The following JMJD1C variants were observed in gnomAD, a reference collection of about 807,000 sequenced individuals.
JMJD1C encodes the protein jumonji domain containing 1C.
A neutral mutation model predicts 245.3 loss-of-function variants in JMJD1C; 31 were observed. The observed-to-expected ratio is 0.13, with a 90% confidence interval of 0.09 to 0.17. JMJD1C has a LOEUF of 0.17. Ranked by LOEUF, JMJD1C falls within the 10% of genes least tolerant of loss-of-function variation. The pLI, the probability that JMJD1C is intolerant of heterozygous loss-of-function variation, is 1.00. For missense variants in JMJD1C, 2,691 were observed against 3,000.2 expected, an observed-to-expected ratio of 0.90 and a Z score of 2.41; for synonymous variants, 1,057 against 1,017.4, an observed-to-expected ratio of 1.04 and a Z score of -0.74.
chr10:63,517,952 C>T (rs1955074572), intron 1 of JMJD1C, among the ~76,000 whole-genome samples: 1 of 152,070 alleles, frequency 6.6e-6, no homozygotes, highest in Non-Finnish European at 1.5e-5. Flanking sequence ...ACCATCATGC[C>T]CAGCTAATTT....
chr10:63,238,011 A>AG (rs1850964855), intron 3 of JMJD1C, among the ~76,000 whole-genome samples: 1 of 141,798 alleles, frequency 7.1e-6, no homozygotes, highest in Admixed American at 7.0e-5. Context: ...TCTACTAAAA[A>AG]AAAAAAAAAA....
At chr10:63,307,623 A>G (rs1344218936) in intron 2 of JMJD1C, among the ~76,000 whole-genome samples, 2 of 152,140 alleles carry the variant, frequency 1.3e-5, no homozygotes, top group African/African-American at 4.8e-5. Context: ...AAATGGTACC[A>G]CCAGGTAAGA....
At chr10:63,234,510 A>AC in intron 3 of JMJD1C, among the ~76,000 whole-genome samples, 1 of 149,922 alleles carries the variant, frequency 6.7e-6, no homozygotes, top group East Asian at 1.9e-4. Context: ...AAAAAAAAAA[A>AC]AAAAAAAAAA....
chr10:63,243,357 T>C (rs1006217563), intron 3 of JMJD1C, among the ~76,000 whole-genome samples: 1 of 151,634 alleles, frequency 6.6e-6, no homozygotes, highest in Non-Finnish European at 1.5e-5. Context: ...AGAAGCCCCA[T>C]CTCTACCAAA....
intron 1 of JMJD1C, among the ~76,000 whole-genome samples, chr10:63,385,530 T>C (rs2134545245): frequency 6.9e-6 from 1 of 145,106 alleles, no homozygotes; most frequent in Admixed American, 7.1e-5. Flanking sequence ...CTCCAACTCC[T>C]AGGCTCAAGC....
rs903163341 is a variant in JMJD1C at position 63,419,837 on chromosome 10, A to T, written c.169-39355T>A. On this transcript the variant is annotated intron_variant, in intron 1 of 25. Transcript: ENST00000399262. Reference sequence around the variant, plus strand: ...GAAATACAAATCCTCCATGAAATAAAAAAAAAAAAAAAAAAAAAGGCCAGG... The same window carrying T: ...GAAATACAAATCCTCCATGAAATAATAAAAAAAAAAAAAAAAAAGGCCAGG... Among the ~76,000 whole-genome samples, 140 of 74,298 alleles carry T rather than the reference A, an allele frequency of 1.9e-3. No homozygotes were observed. The Middle Eastern group carries it at 0.022, about 12-fold the overall frequency. 48.7% of individuals were successfully genotyped at this position (74,298 alleles called of 152,430 possible).
Position 63,207,416 on chromosome 10 carries a change from G to A in JMJD1C, c.4253C>T (p.Ser1418Phe), listed in dbSNP as rs764296172. ...GGCCAAAATGGTATTTGATAAAGAG[G>A]AAATTACTTCTGAACCACCCCAGCT... is the stretch of plus-strand genomic sequence containing the variant. Reference protein sequence around the residue: ...VSSWGGSEVISSLSNTILAST... With the variant: ...VSSWGGSEVIFSLSNTILAST... Residue 1418 changes from serine (S) to phenylalanine (F), a missense_variant, in exon 10 of 26, where the codon TCC becomes TTC. Transcript: ENST00000399262. The A allele has an allele frequency of 1.2e-5, 20 of 1,614,142 alleles. 1 individual carries two copies. The South Asian group carries it at 2.0e-4, about 16-fold the overall frequency.
At chr10:63,185,454 T>G in intron 20 of JMJD1C, 109 bp downstream of exon 20, 1 of 721,794 alleles carries the variant, frequency 1.4e-6, no homozygotes, top group Non-Finnish European at 2.5e-6. Context: ...TTATTTTTAA[T>G]TGAGAAAGAA....
intron 1 of JMJD1C, among the ~76,000 whole-genome samples, chr10:63,452,460 A>C (rs545954379): frequency 1.3e-5 from 2 of 152,336 alleles, no homozygotes; most frequent in East Asian, 3.9e-4. Context: ...ATGTAGAGAA[A>C]CTGGAATCCA....
chr10:63,288,815 GTTGCAGTGAGCCAAGATCGCACCACTGCA>G (rs1858289441), intron 2 of JMJD1C, among the ~76,000 whole-genome samples: 1 of 151,512 alleles, frequency 6.6e-6, no homozygotes, highest in Non-Finnish European at 1.5e-5. Context: ...GGAGGCAGAG[GTTGCAGTGAGCCAAGATCGCACCACTGCA>G]TTCCAGCCTG....
rs962472193 is a variant in JMJD1C, at chr10:63,448,980, G to A, written c.168+16515C>T. On this transcript the variant is annotated intron_variant, in intron 1 of 25. Transcript: ENST00000399262. ...AAAAATACAAAAATTAGCCAGGTGCGGTGGCGTGTGCCTGTAATTCCAGCT... is the reference window on the plus strand; with the variant it reads ...AAAAATACAAAAATTAGCCAGGTGCAGTGGCGTGTGCCTGTAATTCCAGCT... 7.2e-5 allele frequency among the ~76,000 whole-genome samples: 11 copies of A among 152,164 alleles called. No individual in the cohort carries two copies. In the South Asian group the frequency reaches 8.3e-4, roughly 11 times the overall value.
At chr10:63,335,244 T>C (rs888933646) in intron 2 of JMJD1C, among the ~76,000 whole-genome samples, 10 of 152,082 alleles carry the variant, frequency 6.6e-5, no homozygotes, top group South Asian at 2.1e-4. Flanking sequence ...TCAGAGAATG[T>C]TGCTTCAACC....
chr10:63,287,910 C>T (rs985694749), intron 2 of JMJD1C, among the ~76,000 whole-genome samples: 2 of 152,088 alleles, frequency 1.3e-5, no homozygotes, highest in Non-Finnish European at 1.5e-5. Context: ...CCACACCTGG[C>T]TAATTTTTGT....
chr10:63,285,882 T>C (rs1314588928), intron 2 of JMJD1C, among the ~76,000 whole-genome samples: 1 of 152,226 alleles, frequency 6.6e-6, no homozygotes, highest in Non-Finnish European at 1.5e-5. Flanking sequence ...TTATTGGTTT[T>C]CTGTGCACAC....
At chr10:63,239,101 T>C (rs964661602) in intron 3 of JMJD1C, among the ~76,000 whole-genome samples, 5 of 152,228 alleles carry the variant, frequency 3.3e-5, no homozygotes, top group East Asian at 1.9e-4. Context: ...ACCAAGGTTT[T>C]TGAGTTGGAA....
In JMJD1C at chr10:63,208,726, T is replaced by C. The variant is rs752678200; in HGVS notation, c.2943A>G (p.Leu981=). 1.2e-6 allele frequency: 2 copies of C among 1,613,900 alleles called. No individual in the cohort carries two copies. The highest frequency in any genetic ancestry group is 1.7e-6 in the Non-Finnish European group (2 of 1,179,852). ...AATCTTTTCCAGTCTGTGACCTATT[T>C]AGATCCAGGTCATTTTTGGCTGATG... The part of the protein sequence containing the change: ...ASTSAKNDLD[L]NRSQTGKDCH... The change falls in exon 10 of 26, where the codon CTA becomes CTG. Residue 981 remains leucine, a synonymous_variant. Transcript: ENST00000399262.
chr10:63,453,729 A>G (rs1315959575), intron 1 of JMJD1C, among the ~76,000 whole-genome samples: 1 of 152,032 alleles, frequency 6.6e-6, no homozygotes, highest in Non-Finnish European at 1.5e-5. Context: ...AAAAAGCAAT[A>G]GTTTTTTTTT....
chr10:63,368,860 C>G (rs924317689), intron 2 of JMJD1C, among the ~76,000 whole-genome samples: 3 of 151,812 alleles, frequency 2.0e-5, no homozygotes, highest in Non-Finnish European at 1.5e-5. Flanking sequence ...GTTGGCCAGG[C>G]TGGTCTCGAA....
rs144685179 is a variant in JMJD1C, at chr10:63,352,397, G to C, written c.333+27921C>G. On this transcript the variant is annotated intron_variant, in intron 2 of 25. Transcript: ENST00000399262. Reference sequence around the variant, plus strand: ...TCACGCCTGTAATCTCACCCCTTTGGGAGGCCGAGGCAGGTGGATCACTTG... The same window carrying C: ...TCACGCCTGTAATCTCACCCCTTTGCGAGGCCGAGGCAGGTGGATCACTTG... Among the ~76,000 whole-genome samples the C allele has an allele frequency of 2.8e-4, 42 of 152,258 alleles. No individual in the cohort carries two copies. In the East Asian group the frequency reaches 8.1e-3, roughly 29 times the overall value.
Sources: gnomAD v4.1 joint callset for allele counts (sites outside exome capture counted in the v4.1 genomes callset) on GRCh38, gnomAD v4.1.1 for gene constraint, MANE v1.5 for transcripts, NCBI Gene and HGNC (gene_info 2026-07-23, HGNC 2026-07-21) for gene names.